The following DMXL2 variants were observed in gnomAD, a reference collection of about 807,000 sequenced individuals.
DMXL2 encodes the protein dmX-like protein 2.
A neutral mutation model predicts 331.1 loss-of-function variants in DMXL2; 103 were observed. The observed-to-expected ratio is 0.31, with a 90% CI of 0.27 to 0.37. DMXL2 has a LOEUF of 0.37. Among genes scored for constraint, DMXL2 ranks in the 10% least tolerant of loss-of-function variants. The pLI is 1.00. For synonymous variants in DMXL2, 1,281 were observed against 1,252.1 expected, an observed-to-expected ratio of 1.02 and a Z score of -0.49; for missense variants, 3,171 against 3,642.9, an observed-to-expected ratio of 0.87 and a Z score of 3.33.
intron 9 of DMXL2, among the ~76,000 whole-genome samples, chr15:51,540,736 T>G (rs2048548378): frequency 6.6e-6 from 1 of 152,188 alleles, no homozygotes; most frequent in African/African-American, 2.4e-5. Context: ...TTACATGCAG[T>G]AACTAAAAAT....
At chr15:51,500,775 C>G (rs540570851) in intron 17 of DMXL2, among the ~76,000 whole-genome samples, 90 of 152,282 alleles carry the variant, frequency 5.9e-4, no homozygotes, top group African/African-American at 2.1e-3. Flanking sequence ...TTAATTCATC[C>G]TCTCTTAGCA....
At position 51,535,769 on chromosome 15, in the gene DMXL2, G is replaced by A. The variant is rs757759058; in HGVS notation, c.2330C>T (p.Ser777Phe). Reference sequence around the variant, plus strand: ...AGAAGCAACAAAGCAAGCACTTGCAGAATTGCAGTATGTGCCTGAGAAAGG... The same window carrying A: ...AGAAGCAACAAAGCAAGCACTTGCAAAATTGCAGTATGTGCCTGAGAAAGG... Reference protein sequence around the residue: ...PSYCLGTYCNSASACFVASDG... With the variant: ...PSYCLGTYCNFASACFVASDG... Residue 777 changes from serine to phenylalanine, a missense_variant, in exon 13 of 44, where the codon TCT becomes TTT. By Grantham distance (155) the Ser-to-Phe change is radical. Coordinates refer to ENST00000560891, the MANE Select transcript of DMXL2 (RefSeq NM_001378457.1). 1 of 1,609,488 alleles carries A rather than the reference G, an allele frequency of 6.2e-7. No homozygotes were observed. Among genetic ancestry groups the A allele is most frequent in the Non-Finnish European group, 8.5e-7 (1 of 1,177,788 alleles).
intron 23 of DMXL2, among the ~76,000 whole-genome samples, chr15:51,482,754 T>C (rs2042105527): frequency 1.3e-5 from 2 of 152,138 alleles, no homozygotes; most frequent in Admixed American, 1.3e-4. Flanking sequence ...AAGTTCCCAT[T>C]TGTGAAAGAA....
intron 1 of DMXL2, among the ~76,000 whole-genome samples, chr15:51,621,933 C>G (rs772270836): frequency 6.6e-6 from 1 of 152,174 alleles, no homozygotes; most frequent in Non-Finnish European, 1.5e-5. Flanking sequence ...TCAGGAGATA[C>G]AGAGTCAGGC....
chr15:51,466,572 T>A (rs1178601732), intron 29 of DMXL2: 1 of 153,110 alleles, frequency 6.5e-6, no homozygotes, highest in Non-Finnish European at 1.4e-5. Flanking sequence ...AGATGTGAAA[T>A]TTTTTTTAAT....
At chr15:51,450,683 AG>A in intron 42 of DMXL2, 1 of 240,350 alleles carries the variant, frequency 4.2e-6, no homozygotes, top group Non-Finnish European at 8.2e-6. Context: ...AACCCAGCCA[AG>A]TGCTGTACCG....
At chr15:51,537,194 T>C (rs2048335225) in intron 11 of DMXL2, among the ~76,000 whole-genome samples, 1 of 152,208 alleles carries the variant, frequency 6.6e-6, no homozygotes, top group Admixed American at 6.5e-5. Context: ...CTGATTCACA[T>C]TTTCAGGGTA....
chr15:51,600,790 C>A (rs2053172521), intron 1 of DMXL2, among the ~76,000 whole-genome samples: 1 of 152,048 alleles, frequency 6.6e-6, no homozygotes, highest in South Asian at 2.1e-4. Context: ...GAACACCTGG[C>A]CATAGGTCTG....
At chr15:51,523,048 T>C (rs2047467118) in intron 13 of DMXL2, among the ~76,000 whole-genome samples, 1 of 152,222 alleles carries the variant, frequency 6.6e-6, no homozygotes, top group African/African-American at 2.4e-5. Context: ...TATTTATAGC[T>C]TTCAAGTATC....
At position 51,526,130 on chromosome 15, in the gene DMXL2, G is replaced by A. The variant is rs1379424079; in HGVS notation, c.2437-8963C>T. Among the ~76,000 whole-genome samples the A allele has an allele frequency of 9.7e-5, 13 of 133,844 alleles. No homozygotes were observed. In the East Asian group the frequency reaches 2.2e-3, roughly 23 times the overall value. The allele number at this position is 133,844 out of a possible 152,430, so 87.8% of individuals were successfully genotyped here. A position where few individuals can be genotyped will look rare whatever the true frequency, so the allele number is the denominator to read the frequency against. On this transcript the variant is annotated intron_variant, in intron 13 of 43. Coordinates refer to ENST00000560891, the MANE Select transcript of DMXL2 (RefSeq NM_001378457.1). ...AGAGAAAGAGAGAGGGAGGGGGAAG[G>A]AGAGAGAGGGAGAGAGAGGGGGTGG...
At chr15:51,600,117 T>C (rs540984199) in intron 1 of DMXL2, among the ~76,000 whole-genome samples, 1 of 152,324 alleles carries the variant, frequency 6.6e-6, no homozygotes, top group East Asian at 1.9e-4. Context: ...TCCTATAATT[T>C]TAGGTTGCCT....
rs1167016078 is a variant in DMXL2 at position 51,448,863 on chromosome 15, T to C, written c.*121A>G. On this transcript the variant is annotated 3_prime_UTR_variant, in exon 44 of 44. Transcript: ENST00000560891. Reference sequence around the variant, plus strand: ...TTTAGATAATACTCAGCTTGGGTCATATTCAAATTCTACACAGAGATTCTC... The same window carrying C: ...TTTAGATAATACTCAGCTTGGGTCACATTCAAATTCTACACAGAGATTCTC... 5 of 991,610 alleles carry C rather than the reference T, an allele frequency of 5.0e-6. No individual in the cohort carries two copies. Among genetic ancestry groups the C allele is most frequent in the Non-Finnish European group, 6.0e-6 (4 of 667,184 alleles). 61.4% of individuals were successfully genotyped at this position (991,610 alleles called of 1,614,324 possible).
chr15:51,450,045 G>A (rs935800579), intron 43 of DMXL2, 84 bp downstream of exon 43: 2 of 1,245,720 alleles, frequency 1.6e-6, no homozygotes, highest in Non-Finnish European at 2.3e-6. Flanking sequence ...ATAAAGTGAA[G>A]CTTTATTTCA....
intron 1 of DMXL2, chr15:51,603,766 G>C (rs765803332): frequency 6.6e-6 from 1 of 152,130 alleles, no homozygotes; most frequent in South Asian, 2.1e-4. Context: ...TAGTCACGAG[G>C]CTGAGGCAGG....
chr15:51,489,551 G>T (rs1368145976), intron 20 of DMXL2, among the ~76,000 whole-genome samples: 2 of 152,016 alleles, frequency 1.3e-5, no homozygotes, highest in Non-Finnish European at 2.9e-5. Flanking sequence ...CAGCTACTTG[G>T]AGGCTGGTTG....
At chr15:51,589,450 C>T (rs2052120855) in intron 1 of DMXL2, among the ~76,000 whole-genome samples, 2 of 152,216 alleles carry the variant, frequency 1.3e-5, no homozygotes, top group Admixed American at 1.3e-4. Flanking sequence ...TACTTCAGTA[C>T]ATTTGCCTCT....
chr15:51,540,550 CAA>C (rs894690186), intron 9 of DMXL2, among the ~76,000 whole-genome samples: 36 of 151,584 alleles, frequency 2.4e-4, no homozygotes, highest in African/African-American at 8.7e-4. Context: ...GAATAAATGA[CAA>C]GATGTTAATA....
At chr15:51,450,898 T>C (rs1270305984) in intron 42 of DMXL2, among the ~76,000 whole-genome samples, 1 of 152,124 alleles carries the variant, frequency 6.6e-6, no homozygotes, top group African/African-American at 2.4e-5. Flanking sequence ...AAATTGAGAA[T>C]TAACTACATA....
intron 29 of DMXL2, among the ~76,000 whole-genome samples, chr15:51,469,777 A>C (rs1379514185): frequency 6.6e-6 from 1 of 152,216 alleles, no homozygotes; most frequent in African/African-American, 2.4e-5. Flanking sequence ...GGAACTGCCT[A>C]TACATTTTTA....
Sources: allele counts gnomAD v4.1 joint callset (sites outside exome capture counted in the v4.1 genomes callset), GRCh38; gene constraint gnomAD v4.1.1; transcripts MANE v1.5; gene names NCBI Gene and HGNC (gene_info 2026-07-23, HGNC 2026-07-21).